The following POU5F1 variants were observed in gnomAD, a reference collection of about 807,000 sequenced individuals.
POU5F1 encodes POU domain, class 5, transcription factor 1.
Under a neutral mutation model 38.3 loss-of-function variants are expected in POU5F1, and 6 were observed. The observed-to-expected ratio is 0.16, with a 90% CI of 0.09 to 0.31. POU5F1 has a LOEUF of 0.31. Ranked by LOEUF, POU5F1 falls within the 10% of genes least tolerant of loss-of-function variation. The pLI is 1.00. For missense variants in POU5F1, 286 were observed against 462.6 expected (o/e 0.62, Z 3.50); for synonymous variants, 147 against 194.9 (o/e 0.75, Z 2.05).
rs1429404142 is a variant in POU5F1 at position 31,165,622 on chromosome 6, G to A, written c.606C>T (p.Pro202=). The change falls in exon 3 of 5, where the codon CCC becomes CCT. Residue 202 remains proline (P), a synonymous_variant. Coordinates refer to ENST00000259915, the MANE Select transcript of POU5F1 (RefSeq NM_002701.6). This position sits in a 1 kb window ranked among gnomAD's most constrained non-coding sequence, Gnocchi z 6.5. ...CTTCCTCCACCCACTTCTGCAGCAAGGGCCGCAGCTTACACATGTTCTTGA... is the reference window on the plus strand; with the variant it reads ...CTTCCTCCACCCACTTCTGCAGCAAAGGCCGCAGCTTACACATGTTCTTGA... ...LSFKNMCKLR[P]LLQKWVEEAD... The A allele has an allele frequency of 6.2e-7, 1 of 1,614,168 alleles. No individual in the cohort carries two copies. Among genetic ancestry groups the A allele is most frequent in the Non-Finnish European group, 8.5e-7 (1 of 1,180,022 alleles).
In POU5F1 at chr6:31,165,365, T is replaced by C; in HGVS notation, c.658-79A>G. ...AGCATCACAGGGGTCTGTGACTAGATGTGTCAGCAGAGCCAGGTGGTGGTG... is the reference window on the plus strand; with the variant it reads ...AGCATCACAGGGGTCTGTGACTAGACGTGTCAGCAGAGCCAGGTGGTGGTG... On this transcript the variant is annotated intron_variant, in intron 3 of 4. Coordinates refer to ENST00000259915, the MANE Select transcript of POU5F1 (RefSeq NM_002701.6). This position sits in a 1 kb window ranked among gnomAD's most constrained non-coding sequence, Gnocchi z 6.5. The C allele has an allele frequency of 6.4e-7, 1 of 1,573,780 alleles. No individual in the cohort carries two copies. Among genetic ancestry groups the C allele is most frequent in the South Asian group, 1.1e-5 (1 of 87,080 alleles).
At chr6:31,168,540 G>C (rs1777449410) in intron 1 of POU5F1, among the ~76,000 whole-genome samples, 1 of 152,190 alleles carries the variant, frequency 6.6e-6, no homozygotes, top group Non-Finnish European at 1.5e-5. Context: ...TAGTTGACGT[G>C]TTGGCCACAG....
chr6:31,164,896 AC>A, intron 4 of POU5F1, 29 bp from the exon 5 acceptor site: 1 of 1,564,206 alleles, frequency 6.4e-7, no homozygotes, highest in African/African-American at 1.7e-5. Flanking sequence ...AAGGAGAATG[AC>A]ATTAGACAAT....
Position 31,165,366 on chromosome 6 carries a change from G to A in POU5F1, c.658-80C>T. ...GCATCACAGGGGTCTGTGACTAGAT[G>A]TGTCAGCAGAGCCAGGTGGTGGTGT... On this transcript the variant is annotated intron_variant, in intron 3 of 4. Coordinates refer to ENST00000259915, the MANE Select transcript of POU5F1 (RefSeq NM_002701.6). This position sits in a 1 kb window ranked among gnomAD's most constrained non-coding sequence, Gnocchi z 6.5. The A allele has an allele frequency of 1.9e-6, 3 of 1,572,362 alleles. No homozygotes were observed. The highest frequency in any genetic ancestry group is 2.6e-6 in the Non-Finnish European group (3 of 1,156,656).
rs1441409107 is a variant in POU5F1, at chr6:31,165,058, G to A, written c.816+70C>T. 1 of 1,569,166 alleles carries A rather than the reference G, an allele frequency of 6.4e-7. No individual in the cohort carries two copies. Among genetic ancestry groups the A allele is most frequent in the African/African-American group, 1.4e-5 (1 of 73,566 alleles). On this transcript the variant is annotated intron_variant, in intron 4 of 4. Transcript: ENST00000259915. The surrounding 1 kb of genome is among the most constrained non-coding windows in gnomAD (Gnocchi z 6.5). ...CAACAGCCCTAGAGCAGTTGGAGGA[G>A]CCAGAGCTAGGGAAAGCGAGGTGGT...
At position 31,165,218 on chromosome 6, in the gene POU5F1, T is replaced by C. The variant is rs1183206781; in HGVS notation, c.726A>G (p.Arg242=). The C allele has an allele frequency of 6.2e-7, 1 of 1,610,916 alleles. No homozygotes were observed. The highest frequency in any genetic ancestry group is 8.5e-7 in the Non-Finnish European group (1 of 1,178,980). Reference sequence around the variant, plus strand: ...GCAGGAACAAATTCTCCAGGTTGCCTCTCACTCGGTTCTCGATACTGGTTC... The same window carrying C: ...GCAGGAACAAATTCTCCAGGTTGCCCCTCACTCGGTTCTCGATACTGGTTC... The part of the protein sequence containing the change: ...RKRTSIENRV[R]GNLENLFLQC... Residue 242 remains arginine (R), a synonymous_variant, in exon 4 of 5, where the codon AGA becomes AGG. Transcript: ENST00000259915. The surrounding 1 kb of genome is among the most constrained non-coding windows in gnomAD (Gnocchi z 6.5).
intron 1 of POU5F1, chr6:31,169,803 C>A (rs150010074): frequency 4.9e-4 from 121 of 248,994 alleles, no homozygotes; most frequent in African/African-American, 2.6e-3. Context: ...TGATAAGGGT[C>A]AAATTTTCAA....
At position 31,165,062 on chromosome 6, in the gene POU5F1, G is replaced by A; in HGVS notation, c.816+66C>T. 6 of 1,573,510 alleles carry A rather than the reference G, an allele frequency of 3.8e-6. No homozygotes were observed. Among genetic ancestry groups the A allele is most frequent in the Non-Finnish European group, 5.2e-6 (6 of 1,160,204 alleles). On this transcript the variant is annotated intron_variant, in intron 4 of 4. Coordinates refer to ENST00000259915, the MANE Select transcript of POU5F1 (RefSeq NM_002701.6). The surrounding 1 kb of genome is among the most constrained non-coding windows in gnomAD (Gnocchi z 6.5). ...AGCCCTAGAGCAGTTGGAGGAGCCA[G>A]AGCTAGGGAAAGCGAGGTGGTGACA...
chr6:31,166,728 G>C (rs1777290863), intron 1 of POU5F1: 1 of 1,178,318 alleles, frequency 8.5e-7, no homozygotes, highest in Middle Eastern at 3.6e-4. Flanking sequence ...ATCACCCCCA[G>C]TTTAAGGATG....
chr6:31,168,426 G>T (rs928890228), intron 1 of POU5F1, among the ~76,000 whole-genome samples: 1 of 152,008 alleles, frequency 6.6e-6, no homozygotes, highest in East Asian at 1.9e-4. Flanking sequence ...GTAGAGATGG[G>T]GTTTCGCCAT....
chr6:31,166,999 G>A (rs1777317928), intron 1 of POU5F1: 2 of 766,184 alleles, frequency 2.6e-6, no homozygotes, highest in Non-Finnish European at 2.0e-6. Flanking sequence ...TCACTATAGA[G>A]GCATCCTAAT....
intron 1 of POU5F1, chr6:31,166,716 G>T (rs905789598): frequency 2.6e-6 from 3 of 1,174,198 alleles, no homozygotes; most frequent in Non-Finnish European, 3.2e-6. Flanking sequence ...TCTCACTCAA[G>T]TATCACCCCC....
At chr6:31,166,210 C>T in intron 1 of POU5F1, 163 bp from the exon 2 acceptor site, 1 of 1,559,624 alleles carries the variant, frequency 6.4e-7, no homozygotes, top group Non-Finnish European at 8.7e-7. Context: ...AATAACCTAC[C>T]CACAAATGTC....
Position 31,170,200 on chromosome 6 carries a change from G to A in POU5F1, c.405+16C>T, listed in dbSNP as rs765032069. The A allele has an allele frequency of 1.1e-5, 18 of 1,612,660 alleles. No individual in the cohort carries two copies. The highest frequency in any genetic ancestry group is 1.7e-4 in the Middle Eastern group (1 of 6,036). ...GACCACCTCCCCACACCCCAACCCCGTCGAAGCTCACTTGCCTCCTCCGGG... is the reference window on the plus strand; with the variant it reads ...GACCACCTCCCCACACCCCAACCCCATCGAAGCTCACTTGCCTCCTCCGGG... On this transcript the variant is annotated intron_variant, in intron 1 of 4. Coordinates refer to ENST00000259915, the MANE Select transcript of POU5F1 (RefSeq NM_002701.6).
chr6:31,166,982 A>C (rs1777317122), intron 1 of POU5F1: 1 of 910,338 alleles, frequency 1.1e-6, no homozygotes, highest in Non-Finnish European at 1.6e-6. Flanking sequence ...TCTTTACTGT[A>C]TCTTTTTCAC....
At chr6:31,166,074 TAA>T (rs1453409159) in intron 1 of POU5F1, 27 bp from the exon 2 acceptor site, 1 of 1,614,224 alleles carries the variant, frequency 6.2e-7, no homozygotes, top group Non-Finnish European at 8.5e-7. Context: ...AGAAGACTTG[TAA>T]GAACATAAAC....
In POU5F1 at chr6:31,164,434, TC is replaced by T; in HGVS notation, c.*166del. ...TCAAGAGCATCATTGAACTTCACCTTCCCTCCAACCAGTTGCCCCAAACTCC... is the reference window on the plus strand; with the variant it reads ...TCAAGAGCATCATTGAACTTCACCTTCCTCCAACCAGTTGCCCCAAACTCC... On this transcript the variant is annotated 3_prime_UTR_variant, in exon 5 of 5. Transcript: ENST00000259915. 1.9e-6 allele frequency: 2 copies of T among 1,053,940 alleles called. No individual in the cohort carries two copies. The highest frequency in any genetic ancestry group is 2.7e-6 in the Non-Finnish European group (2 of 737,306). 65.3% of individuals were successfully genotyped at this position (1,053,940 alleles called of 1,614,324 possible). A position where few individuals can be genotyped will look rare whatever the true frequency, so the allele number is the denominator to read the frequency against.
At chr6:31,166,878 T>A in intron 1 of POU5F1, 1 of 1,300,526 alleles carries the variant, frequency 7.7e-7, no homozygotes, top group East Asian at 3.7e-5. Context: ...ATGGCATGCA[T>A]ACACACAAAC....
rs372561846 is a variant in POU5F1, at chr6:31,165,911, G to T, written c.526+16C>A. On this transcript the variant is annotated intron_variant, in intron 2 of 4. Transcript: ENST00000259915. This position sits in a 1 kb window ranked among gnomAD's most constrained non-coding sequence, Gnocchi z 6.5. ...TAGAGGGGAGATGCGGTCAGAATCT[G>T]CAGAGGGGAACCCACCAAATAGAAC... 20 of 1,613,908 alleles carry T rather than the reference G, an allele frequency of 1.2e-5. No homozygotes were observed. Among genetic ancestry groups the T allele is most frequent in the Non-Finnish European group, 1.7e-5 (20 of 1,179,924 alleles).
Sources: allele counts gnomAD v4.1 joint callset (sites outside exome capture counted in the v4.1 genomes callset), GRCh38; gene constraint gnomAD v4.1.1; non-coding constraint Gnocchi (gnomAD v3.1); transcripts MANE v1.5; gene names NCBI Gene and HGNC (gene_info 2026-07-23, HGNC 2026-07-21).